The following RPH3AL variants were observed in gnomAD, a reference collection of about 807,000 sequenced individuals.
The protein encoded by RPH3AL is rabphilin 3A like (without C2 domains), also known as rab effector Noc2.
In RPH3AL, 38 loss-of-function variants were observed where a neutral mutation model predicts 43.1. The observed-to-expected ratio is 0.88, with a 90% confidence interval of 0.68 to 1.15. The LOEUF is 1.15. Among genes scored for constraint, RPH3AL ranks in the 50% most tolerant of loss-of-function variants. RPH3AL has a pLI of 0.00. For missense variants in RPH3AL, 462 were observed against 423.2 expected, an observed-to-expected ratio of 1.09 and a Z score of -0.81; for synonymous variants, 189 against 176.3, an observed-to-expected ratio of 1.07 and a Z score of -0.57.
intron 5 of RPH3AL, among the ~76,000 whole-genome samples, chr17:315,939 C>G (rs1598104254): frequency 6.7e-6 from 1 of 148,152 alleles, no homozygotes; most frequent in East Asian, 1.9e-4. Context: ...CCCCCACCTC[C>G]ATTGACCTGT....
At chr17:332,047 G>T (rs1477018315) in intron 2 of RPH3AL, 4 of 396,496 alleles carry the variant, frequency 1.0e-5, no homozygotes, top group African/African-American at 6.4e-5. Context: ...GGGGGGAGCA[G>T]AGGCAGGAGG....
intron 1 of RPH3AL, among the ~76,000 whole-genome samples, chr17:341,692 GA>G (rs1567538934): frequency 6.6e-6 from 1 of 152,030 alleles, no homozygotes; most frequent in Admixed American, 6.5e-5. Context: ...CACACCAAAA[GA>G]AAAAAGAGAC....
chr17:263,790 G>A (rs782765750), intron 6 of RPH3AL, among the ~76,000 whole-genome samples: 25 of 152,326 alleles, frequency 1.6e-4, no homozygotes, highest in East Asian at 3.9e-4. Flanking sequence ...GTTTGAGAAC[G>A]TCGGTATGAG....
At chr17:302,976 T>C (rs2043368096) in intron 5 of RPH3AL, among the ~76,000 whole-genome samples, 1 of 152,224 alleles carries the variant, frequency 6.6e-6, no homozygotes, top group Non-Finnish European at 1.5e-5. Context: ...GTTTGACTTA[T>C]TTTTTAGGGT....
At chr17:261,720 A>G (rs868944065) in intron 6 of RPH3AL, 9 of 152,214 alleles carry the variant, frequency 5.9e-5, no homozygotes, top group African/African-American at 1.9e-4. Flanking sequence ...TTAAACTCAT[A>G]AGGACGCTGA....
intron 7 of RPH3AL, among the ~76,000 whole-genome samples, chr17:231,342 C>G (rs947333263): frequency 1.3e-5 from 2 of 152,204 alleles, no homozygotes; most frequent in African/African-American, 2.4e-5. Flanking sequence ...GAACTCCTGT[C>G]TAGCCCAGGA....
intron 1 of RPH3AL, among the ~76,000 whole-genome samples, chr17:351,564 T>G (rs1470389881): frequency 6.6e-6 from 1 of 152,174 alleles, no homozygotes; most frequent in Non-Finnish European, 1.5e-5. Flanking sequence ...GCACCCCGCC[T>G]GTCTCTTCCA....
chr17:335,794 G>A (rs1468349744), intron 1 of RPH3AL: 1 of 152,272 alleles, frequency 6.6e-6, no homozygotes, highest in African/African-American at 2.4e-5. Context: ...AGGGCCTGGA[G>A]GCTTCGCAGG....
intron 5 of RPH3AL, among the ~76,000 whole-genome samples, chr17:302,805 C>A (rs1366811028): frequency 6.6e-6 from 1 of 152,184 alleles, no homozygotes; most frequent in African/African-American, 2.4e-5. Flanking sequence ...TTTTTGATAT[C>A]TTATTAAGTG....
intron 8 of RPH3AL, among the ~76,000 whole-genome samples, chr17:218,384 G>A (rs34190062): frequency 4.5e-3 from 363 of 81,034 alleles, no homozygotes; most frequent in East Asian, 9.6e-3. Context: ...GGCCTCACTG[G>A]AATCAGGACC....
At position 215,530 on chromosome 17, in the gene RPH3AL, T is replaced by C; in HGVS notation, c.876+124A>G. 5.4e-6 allele frequency: 5 copies of C among 926,706 alleles called. No homozygotes were observed. Among genetic ancestry groups the C allele is most frequent in the East Asian group, 6.6e-5 (2 of 30,332 alleles). 57.4% of individuals were successfully genotyped at this position (926,706 alleles called of 1,614,324 possible). A position where few individuals can be genotyped will look rare whatever the true frequency, so the allele number is the denominator to read the frequency against. On this transcript the variant is annotated intron_variant, in intron 9 of 9. Transcript: ENST00000331302. The surrounding 1 kb of genome is among the most constrained non-coding windows in gnomAD (Gnocchi z 4.1). Reference sequence around the variant, plus strand: ...TGGCTCACCTTGTTCCCCCGCACAGTGCTTGGTAAACAACATGCAGAATTG... The same window carrying C: ...TGGCTCACCTTGTTCCCCCGCACAGCGCTTGGTAAACAACATGCAGAATTG...
chr17:347,212 C>T (rs184473047), intron 1 of RPH3AL, among the ~76,000 whole-genome samples: 1,807 of 81,588 alleles, frequency 0.022, 248 homozygotes, highest in African/African-American at 0.055. Flanking sequence ...GAGCCAGGAT[C>T]ATGCCACTGT....
At chr17:340,338 GCCCAGGCCTCCCC>G (rs2045078234) in intron 1 of RPH3AL, among the ~76,000 whole-genome samples, 7 of 149,708 alleles carry the variant, frequency 4.7e-5, no homozygotes, top group African/African-American at 1.7e-4. Flanking sequence ...TCATGCCCAG[GCCCAGGCCTCCCC>G]ACATCCACAC....
At chr17:272,594 A>G (rs1372278252) in intron 6 of RPH3AL, among the ~76,000 whole-genome samples, 4 of 100,658 alleles carry the variant, frequency 4.0e-5, no homozygotes, top group Admixed American at 1.5e-4. Context: ...ATCACACTCC[A>G]GGGACTGTTG....
intron 5 of RPH3AL, among the ~76,000 whole-genome samples, chr17:314,626 C>G (rs2043822960): frequency 1.0e-4 from 12 of 119,438 alleles, no homozygotes; most frequent in South Asian, 2.5e-4. Context: ...TGTGCCCCAC[C>G]TCCATTGACC....
chr17:286,375 C>G (rs865916762), intron 5 of RPH3AL, among the ~76,000 whole-genome samples: 1 of 152,158 alleles, frequency 6.6e-6, no homozygotes, highest in Non-Finnish European at 1.5e-5. Context: ...CCAACGCTGG[C>G]GGCACCTGGG....
Position 274,738 on chromosome 17 carries a change from C to G in RPH3AL, c.438+7030G>C, listed in dbSNP as rs1374805601. ...TATGAGGAGACGCCTTGGAGTCAATCCTGGGTCTGCGGGGCTTAGGCTGCT... is the reference window on the plus strand; with the variant it reads ...TATGAGGAGACGCCTTGGAGTCAATGCTGGGTCTGCGGGGCTTAGGCTGCT... On this transcript the variant is annotated intron_variant, in intron 6 of 9. Transcript: ENST00000331302. This position sits in a 1 kb window ranked among gnomAD's most constrained non-coding sequence, Gnocchi z 4.7. Among the ~76,000 whole-genome samples the G allele has an allele frequency of 3.3e-5, 5 of 152,150 alleles. No homozygotes were observed. Among genetic ancestry groups the G allele is most frequent in the Admixed American group, 1.3e-4 (2 of 15,266 alleles).
chr17:321,037 G>A (rs1167625623), intron 4 of RPH3AL, among the ~76,000 whole-genome samples: 1 of 152,192 alleles, frequency 6.6e-6, no homozygotes, highest in Non-Finnish European at 1.5e-5. Context: ...GGGGCGCACA[G>A]CTCAGCTAGC....
At chr17:312,579 T>C (rs749001975) in intron 5 of RPH3AL, among the ~76,000 whole-genome samples, 10 of 152,192 alleles carry the variant, frequency 6.6e-5, no homozygotes, top group Non-Finnish European at 2.9e-5. Context: ...ATCTGCTCCA[T>C]CGTTGGTAAC....
Sources: gnomAD v4.1 joint callset for allele counts (sites outside exome capture counted in the v4.1 genomes callset) on GRCh38, gnomAD v4.1.1 for gene constraint, Gnocchi (gnomAD v3.1) non-coding constraint, MANE v1.5 for transcripts, NCBI Gene and HGNC (gene_info 2026-07-23, HGNC 2026-07-21) for gene names.